GUCY1A2: variants seen among roughly 807,000 people sequenced by gnomAD.
GUCY1A2 encodes the protein guanylate cyclase soluble subunit alpha-2.
Under a neutral mutation model 63.5 loss-of-function variants are expected in GUCY1A2, and 27 were observed. The observed-to-expected ratio is 0.43, with a 90% confidence interval of 0.31 to 0.59. The LOEUF (loss-of-function observed/expected upper bound fraction) is 0.59, where lower values mean the gene tolerates loss of function less well. Ranked by LOEUF, GUCY1A2 falls within the 20% of genes least tolerant of loss-of-function variation. The probability of loss-of-function intolerance (pLI) is 0.11; values close to 1 mark genes in which losing one functional copy is unlikely to be tolerated. For synonymous variants in GUCY1A2, 364 were observed against 343.5 expected (o/e 1.06, Z -0.66); for missense variants, 768 against 913.3 (o/e 0.84, Z 2.05).
chr11:106,821,533 A>G (rs955525813), intron 4 of GUCY1A2, among the ~76,000 whole-genome samples: 2 of 152,158 alleles, frequency 1.3e-5, no homozygotes, highest in African/African-American at 4.8e-5. Flanking sequence ...ATTTCTACAT[A>G]TCTGGTGTAT....
At chr11:106,901,266 G>C (rs189659523) in intron 4 of GUCY1A2, among the ~76,000 whole-genome samples, 2 of 152,252 alleles carry the variant, frequency 1.3e-5, no homozygotes, top group African/African-American at 4.8e-5. Context: ...GTGCATCTAT[G>C]TAGTCACATC....
At chr11:106,783,845 T>G (rs1436135570) in intron 5 of GUCY1A2, among the ~76,000 whole-genome samples, 2 of 152,148 alleles carry the variant, frequency 1.3e-5, no homozygotes, top group Non-Finnish European at 2.9e-5. Context: ...TGGGGGTGGT[T>G]TCAAAAGGTG....
At chr11:106,874,058 C>T (rs1196141055) in intron 4 of GUCY1A2, among the ~76,000 whole-genome samples, 1 of 152,112 alleles carries the variant, frequency 6.6e-6, no homozygotes, top group Non-Finnish European at 1.5e-5. Context: ...ATTTTAGTAG[C>T]CTGTTCACTC....
intron 4 of GUCY1A2, among the ~76,000 whole-genome samples, chr11:106,855,893 T>TTTTC (rs536833371): frequency 0.024 from 2,248 of 94,416 alleles, 71 homozygotes; most frequent in African/African-American, 0.072. Flanking sequence ...GTCTCTTGTA[T>TTTTC]TTTATTTATT....
intron 4 of GUCY1A2, among the ~76,000 whole-genome samples, chr11:106,906,946 A>T (rs917645677): frequency 6.6e-6 from 1 of 151,992 alleles, no homozygotes; most frequent in African/African-American, 2.4e-5. Flanking sequence ...AGGGTTGGGG[A>T]CTAGGGGAGG....
rs1944212 is a variant in GUCY1A2, at chr11:106,945,342, A to G, written c.488-5164T>C. Among the ~76,000 whole-genome samples the G allele has an allele frequency of 7.3e-3, 1,110 of 152,192 alleles. 9 individuals carry two copies. The highest frequency in any genetic ancestry group is 0.025 in the African/African-American group (1,032 of 41,548). On this transcript the variant is annotated intron_variant, in intron 3 of 7. Coordinates refer to ENST00000526355, the MANE Select transcript of GUCY1A2 (RefSeq NM_000855.3). ...AGAAGAGTATCTGGCAAAGATTCAG[A>G]GATTCCATCACTCAGTGAAACACCT...
At chr11:106,956,785 T>C (rs986864518) in intron 3 of GUCY1A2, among the ~76,000 whole-genome samples, 4 of 152,154 alleles carry the variant, frequency 2.6e-5, no homozygotes, top group African/African-American at 9.6e-5. Flanking sequence ...GCAGGACCCA[T>C]TTAATGAAGC....
chr11:106,949,152 T>A (rs1302391030), intron 3 of GUCY1A2, among the ~76,000 whole-genome samples: 1 of 152,146 alleles, frequency 6.6e-6, no homozygotes, highest in East Asian at 1.9e-4. Context: ...AGTCTCTCTA[T>A]CCTAAATACC....
At chr11:106,786,524 T>C (rs1296752530) in intron 5 of GUCY1A2, among the ~76,000 whole-genome samples, 4 of 152,216 alleles carry the variant, frequency 2.6e-5, no homozygotes, top group African/African-American at 9.6e-5. Context: ...GCATTCCAAT[T>C]CCTGCACAGG....
chr11:106,732,499 T>C (rs1030215366), intron 6 of GUCY1A2, among the ~76,000 whole-genome samples: 3 of 152,180 alleles, frequency 2.0e-5, no homozygotes, highest in Non-Finnish European at 4.4e-5. Flanking sequence ...ATTTAATGCA[T>C]CTGTAACCTA....
chr11:106,847,424 C>G (rs962311606), intron 4 of GUCY1A2, among the ~76,000 whole-genome samples: 2 of 151,274 alleles, frequency 1.3e-5, no homozygotes, highest in Non-Finnish European at 3.0e-5. Flanking sequence ...CATCAAGTAT[C>G]TGACCCAAAG....
In GUCY1A2 at chr11:106,910,037, C is replaced by A. The variant is rs578229932; in HGVS notation, c.1206+29423G>T. ...CCTTTGAGTCACCAAGTCAACTAAG[C>A]TAATAATCAGAAATGCAGGTATGCA... On this transcript the variant is annotated intron_variant, in intron 4 of 7. Coordinates refer to ENST00000526355, the MANE Select transcript of GUCY1A2 (RefSeq NM_000855.3). Among the ~76,000 whole-genome samples the A allele has an allele frequency of 2.0e-5, 3 of 151,962 alleles. No individual in the cohort carries two copies. In the South Asian group the frequency reaches 6.2e-4, roughly 32 times the overall value.
intron 4 of GUCY1A2, among the ~76,000 whole-genome samples, chr11:106,875,904 C>A (rs769645197): frequency 6.6e-6 from 1 of 151,600 alleles, no homozygotes; most frequent in Admixed American, 6.6e-5. Context: ...TTTACTCTGA[C>A]GTTAAATATA....
chr11:106,717,733 AG>A (rs1329187643), intron 6 of GUCY1A2, among the ~76,000 whole-genome samples: 1 of 152,182 alleles, frequency 6.6e-6, no homozygotes, highest in African/African-American at 2.4e-5. Context: ...GCACATTGTG[AG>A]GTAAGGGTGA....
At chr11:106,823,443 A>G (rs965114511) in intron 4 of GUCY1A2, among the ~76,000 whole-genome samples, 4 of 152,156 alleles carry the variant, frequency 2.6e-5, no homozygotes, top group African/African-American at 9.7e-5. Context: ...TTTCATGGCC[A>G]TATAGTATTA....
chr11:106,842,764 T>C lies in GUCY1A2; in HGVS notation c.1207-32286A>G, dbSNP rs1859217740. On this transcript the variant is annotated intron_variant, in intron 4 of 7. Transcript: ENST00000526355. ...GTGGGTGGTGGGTGGAAGGGGCCTG[T>C]TAGAATGTAGATTTTGATTTAGTAG... 2.0e-5 allele frequency among the ~76,000 whole-genome samples: 3 copies of C among 151,856 alleles called. No individual in the cohort carries two copies. The South Asian group carries it at 6.2e-4, about 31-fold the overall frequency.
At chr11:106,881,930 A>T (rs986059667) in intron 4 of GUCY1A2, among the ~76,000 whole-genome samples, 5 of 152,024 alleles carry the variant, frequency 3.3e-5, no homozygotes, top group Non-Finnish European at 7.4e-5. Context: ...TAATATTTTT[A>T]AAAAGTATCA....
At chr11:106,706,349 G>A (rs1223630292) in intron 7 of GUCY1A2, among the ~76,000 whole-genome samples, 1 of 151,714 alleles carries the variant, frequency 6.6e-6, no homozygotes, top group Non-Finnish European at 1.5e-5. Context: ...GTCTATCTAT[G>A]GCTCTGTTTG....
At chr11:107,004,891 A>G (rs1861653090) in intron 1 of GUCY1A2, among the ~76,000 whole-genome samples, 1 of 152,170 alleles carries the variant, frequency 6.6e-6, no homozygotes, top group Non-Finnish European at 1.5e-5. Flanking sequence ...TGCTTAGCAT[A>G]TTCAAGGAGT....
Sources: allele counts gnomAD v4.1 joint callset (sites outside exome capture counted in the v4.1 genomes callset), GRCh38; gene constraint gnomAD v4.1.1; transcripts MANE v1.5; gene names NCBI Gene and HGNC (gene_info 2026-07-23, HGNC 2026-07-21).